The following KCNAB1 variants were observed in gnomAD, a reference collection of about 807,000 sequenced individuals.
KCNAB1 encodes the protein voltage-gated potassium channel subunit beta-1.
In KCNAB1, 35 loss-of-function variants were observed where a neutral mutation model predicts 64.6. The ratio of observed to expected loss-of-function variants is 0.54; its 90% confidence interval spans 0.41 to 0.72. The LOEUF is 0.72. Among genes scored for constraint, KCNAB1 ranks in the 30% least tolerant of loss-of-function variants. The probability of loss-of-function intolerance (pLI) is 0.00; values close to 1 mark genes in which losing one functional copy is unlikely to be tolerated. For synonymous variants in KCNAB1, 177 were observed against 183.8 expected (o/e 0.96, Z 0.30); for missense variants, 401 against 512.9 (o/e 0.78, Z 2.11).
At chr3:156,516,145 C>G in intron 10 of KCNAB1, 125 bp from the exon 11 acceptor site, 1 of 626,912 alleles carries the variant, frequency 1.6e-6, no homozygotes, top group Non-Finnish European at 2.9e-6. Flanking sequence ...CTGATATTAA[C>G]TCATTTATCT....
chr3:156,300,568 CA>C (rs1254528003), intron 1 of KCNAB1, among the ~76,000 whole-genome samples: 2 of 152,110 alleles, frequency 1.3e-5, no homozygotes, highest in African/African-American at 4.8e-5. Context: ...ATAACAGAAA[CA>C]TGGTATGTCC....
intron 1 of KCNAB1, among the ~76,000 whole-genome samples, chr3:156,241,292 C>G (rs1302619522): frequency 6.6e-6 from 1 of 152,214 alleles, no homozygotes; most frequent in Non-Finnish European, 1.5e-5. Context: ...TGCAAATCTT[C>G]CCATACCTCC....
chr3:156,444,164 T>G (rs1285667743), intron 2 of KCNAB1, among the ~76,000 whole-genome samples: 1 of 152,192 alleles, frequency 6.6e-6, no homozygotes, highest in Non-Finnish European at 1.5e-5. Flanking sequence ...AAGAATGCTT[T>G]GTGTGCGTCA....
intron 1 of KCNAB1, among the ~76,000 whole-genome samples, chr3:156,336,407 A>G (rs1284451332): frequency 4.6e-5 from 7 of 152,338 alleles, no homozygotes; most frequent in Non-Finnish European, 1.0e-4. Flanking sequence ...ACTTTTAACC[A>G]TATGGCTGTT....
intron 1 of KCNAB1, among the ~76,000 whole-genome samples, chr3:156,390,151 T>C (rs781054709): frequency 2.0e-5 from 3 of 152,190 alleles, no homozygotes; most frequent in Admixed American, 6.5e-5. Context: ...TTCAAACCTA[T>C]GAAAGCAGCT....
intron 1 of KCNAB1, among the ~76,000 whole-genome samples, chr3:156,148,021 T>G (rs1178752920): frequency 2.0e-5 from 3 of 151,636 alleles, no homozygotes; most frequent in Non-Finnish European, 4.4e-5. Context: ...TCCAGCCATA[T>G]TCACCGTCCT....
At chr3:156,256,263 T>C (rs1484132475) in intron 1 of KCNAB1, among the ~76,000 whole-genome samples, 1 of 152,256 alleles carries the variant, frequency 6.6e-6, no homozygotes, top group Non-Finnish European at 1.5e-5. Context: ...CTTTCTCTTC[T>C]ATAATATTTT....
chr3:156,267,183 C>T (rs1427131123), intron 1 of KCNAB1, among the ~76,000 whole-genome samples: 1 of 152,168 alleles, frequency 6.6e-6, no homozygotes, highest in Non-Finnish European at 1.5e-5. Context: ...CAGTGTTACA[C>T]TGTACATATT....
At chr3:156,216,598 G>A (rs1715335208) in intron 1 of KCNAB1, among the ~76,000 whole-genome samples, 1 of 152,182 alleles carries the variant, frequency 6.6e-6, no homozygotes, top group Non-Finnish European at 1.5e-5. Context: ...AGACTGTCTA[G>A]TACTAACCCT....
chr3:156,263,472 T>C (rs1369201353), intron 1 of KCNAB1, among the ~76,000 whole-genome samples: 1 of 152,100 alleles, frequency 6.6e-6, no homozygotes, highest in Non-Finnish European at 1.5e-5. Context: ...CTTAATTTCA[T>C]TGTGTTTGAA....
chr3:156,142,948 C>A, intron 1 of KCNAB1: 5 of 1,164,434 alleles, frequency 4.3e-6, no homozygotes, highest in Non-Finnish European at 5.3e-6. Context: ...GATTGGCCAC[C>A]AAAAGCCTCC....
At chr3:156,210,299 G>C (rs1714936216) in intron 1 of KCNAB1, among the ~76,000 whole-genome samples, 1 of 152,172 alleles carries the variant, frequency 6.6e-6, no homozygotes, top group African/African-American at 2.4e-5. Flanking sequence ...GAAGTGTTGT[G>C]TAAAGAACAG....
chr3:156,137,360 G>T (rs1327952120), intron 1 of KCNAB1, among the ~76,000 whole-genome samples: 1 of 152,032 alleles, frequency 6.6e-6, no homozygotes, highest in Non-Finnish European at 1.5e-5. Context: ...CTCAACAGGG[G>T]CTCTCCATTA....
chr3:156,306,917 C>A (rs1331594121), intron 1 of KCNAB1, among the ~76,000 whole-genome samples: 1 of 152,194 alleles, frequency 6.6e-6, no homozygotes, highest in African/African-American at 2.4e-5. Flanking sequence ...AATTCCCTGA[C>A]GCTGAAGAGT....
intron 1 of KCNAB1, chr3:156,143,500 T>G: frequency 1.1e-6 from 1 of 937,142 alleles, no homozygotes; most frequent in Non-Finnish European, 1.5e-6. Context: ...AGGACTGAAA[T>G]AGCAAGACAA....
At chr3:156,190,699 G>GT (rs946144432) in intron 1 of KCNAB1, among the ~76,000 whole-genome samples, 11 of 150,768 alleles carry the variant, frequency 7.3e-5, no homozygotes, top group African/African-American at 1.9e-4. Flanking sequence ...TTTAAGATTT[G>GT]TTTTTTTTTG....
chr3:156,443,063 C>T (rs1576872793), intron 2 of KCNAB1, among the ~76,000 whole-genome samples: 1 of 152,144 alleles, frequency 6.6e-6, no homozygotes, highest in African/African-American at 2.4e-5. Context: ...ATTTTTAGTT[C>T]CGGGATACAT....
intron 8 of KCNAB1, among the ~76,000 whole-genome samples, chr3:156,487,607 G>A (rs1715306646): frequency 6.6e-6 from 1 of 152,100 alleles, no homozygotes; most frequent in Non-Finnish European, 1.5e-5. Context: ...CTCAGAATTT[G>A]CTTATTCAAG....
intron 1 of KCNAB1, among the ~76,000 whole-genome samples, chr3:156,272,547 G>GAACCA (rs1348547668): frequency 6.6e-6 from 1 of 151,938 alleles, no homozygotes; most frequent in Non-Finnish European, 1.5e-5. Flanking sequence ...AAGACCCAGG[G>GAACCA]GCTTTTCAGT....
Sources: allele counts gnomAD v4.1 joint callset (sites outside exome capture counted in the v4.1 genomes callset), GRCh38; gene constraint gnomAD v4.1.1; transcripts MANE v1.5; gene names NCBI Gene and HGNC (gene_info 2026-07-23, HGNC 2026-07-21).